Variants in MEGF9 observed in about 807,000 individuals in gnomAD.
The protein encoded by MEGF9 is multiple EGF like domains 9.
MEGF9 carries 6 observed loss-of-function variants against 46.8 expected under a neutral mutation model. That is an observed-to-expected ratio of 0.13 (90% CI 0.07 to 0.25). The LOEUF (loss-of-function observed/expected upper bound fraction) is 0.25. Among genes scored for constraint, MEGF9 ranks in the 10% least tolerant of loss-of-function variants. The pLI is 1.00. For missense variants in MEGF9, 683 were observed against 792.4 expected, an observed-to-expected ratio of 0.86 and a Z score of 1.66; for synonymous variants, 302 against 330.7, an observed-to-expected ratio of 0.91 and a Z score of 0.94.
At chr9:120,712,119 G>T (rs1432840683) in intron 1 of MEGF9, among the ~76,000 whole-genome samples, 2 of 152,092 alleles carry the variant, frequency 1.3e-5, no homozygotes, top group Non-Finnish European at 2.9e-5. Context: ...TTAGCTGGGT[G>T]TGGTGACCCA....
At chr9:120,690,371 G>C (rs938683801) in intron 1 of MEGF9, among the ~76,000 whole-genome samples, 1 of 152,154 alleles carries the variant, frequency 6.6e-6, no homozygotes, top group South Asian at 2.1e-4. Flanking sequence ...GAGTCAGTGT[G>C]TGTGTGTGTA....
In MEGF9 at chr9:120,601,654, G is replaced by A. The variant is rs2043396622; in HGVS notation, c.*3536C>T. ...ACTCTTAAAATCTAGGTATCACTGGGAAGAGTAACGCACTAGGCCCACAGG... is the reference window on the plus strand; with the variant it reads ...ACTCTTAAAATCTAGGTATCACTGGAAAGAGTAACGCACTAGGCCCACAGG... On this transcript the variant is annotated 3_prime_UTR_variant, in exon 6 of 6. Coordinates refer to ENST00000373930, the MANE Select transcript of MEGF9 (RefSeq NM_001080497.3). 6.6e-6 allele frequency: 1 copy of A among 152,178 alleles called. No individual in the cohort carries two copies. Among genetic ancestry groups the A allele is most frequent in the Non-Finnish European group, 1.5e-5 (1 of 68,016 alleles). 9.4% of individuals were successfully genotyped at this position (152,178 alleles called of 1,614,324 possible).
rs2043413756 is a variant in MEGF9, at chr9:120,604,946, C to T, written c.*244G>A. ...ATGGGGTTCAGCCTTTCCATACTCC[C>T]ATGTGGTTTGGTACAAAAATATACT... On this transcript the variant is annotated 3_prime_UTR_variant, in exon 6 of 6. Transcript: ENST00000373930. The T allele has an allele frequency of 2.0e-6, 1 of 511,496 alleles. No homozygotes were observed. The highest frequency in any genetic ancestry group is 1.9e-5 in the African/African-American group (1 of 52,472). 31.7% of individuals were successfully genotyped at this position (511,496 alleles called of 1,614,324 possible).
intron 2 of MEGF9, among the ~76,000 whole-genome samples, chr9:120,653,645 T>C (rs1455342650): frequency 6.6e-6 from 1 of 152,204 alleles, no homozygotes; most frequent in Non-Finnish European, 1.5e-5. Flanking sequence ...GTGCTGGGAT[T>C]ACAGGCGTGG....
At chr9:120,627,624 G>A (rs1006838322) in intron 2 of MEGF9, among the ~76,000 whole-genome samples, 1 of 152,146 alleles carries the variant, frequency 6.6e-6, no homozygotes, top group East Asian at 1.9e-4. Flanking sequence ...TATCACGCCC[G>A]GCTAATTTTT....
chr9:120,652,992 C>T (rs1196189014), intron 2 of MEGF9, among the ~76,000 whole-genome samples: 3 of 152,136 alleles, frequency 2.0e-5, no homozygotes, highest in Non-Finnish European at 4.4e-5. Context: ...GTGGCTGAAC[C>T]AAGAACAGAA....
intron 4 of MEGF9, among the ~76,000 whole-genome samples, chr9:120,611,865 AAGAGAGAGAGAG>A (rs3983894): frequency 7.3e-6 from 1 of 137,154 alleles, no homozygotes; most frequent in Non-Finnish European, 1.5e-5. Context: ...GGAAGGAAGA[AAGAGAGAGAGAG>A]AGAGAGAGAA....
chr9:120,684,986 C>A (rs568891146), intron 1 of MEGF9, among the ~76,000 whole-genome samples: 1 of 152,184 alleles, frequency 6.6e-6, no homozygotes, highest in Non-Finnish European at 1.5e-5. Flanking sequence ...AGGCGCCCAC[C>A]ACCACGCCCA....
At chr9:120,659,057 G>C (rs1201880911) in intron 2 of MEGF9, among the ~76,000 whole-genome samples, 1 of 151,986 alleles carries the variant, frequency 6.6e-6, no homozygotes, top group Non-Finnish European at 1.5e-5. Context: ...CCTCCTAGCA[G>C]GTTTCATGCC....
chr9:120,680,886 T>G (rs1587993790), intron 1 of MEGF9, among the ~76,000 whole-genome samples: 1 of 151,692 alleles, frequency 6.6e-6, no homozygotes, highest in East Asian at 1.9e-4. Context: ...CAGCTTGTGG[T>G]GAATGCTGCC....
At chr9:120,709,110 G>A (rs968653161) in intron 1 of MEGF9, among the ~76,000 whole-genome samples, 4 of 152,114 alleles carry the variant, frequency 2.6e-5, no homozygotes, top group African/African-American at 4.8e-5. Context: ...TTCACATTTT[G>A]GTAGACACAG....
intron 2 of MEGF9, among the ~76,000 whole-genome samples, chr9:120,653,669 G>A (rs1297348751): frequency 6.6e-6 from 1 of 152,122 alleles, no homozygotes; most frequent in Non-Finnish European, 1.5e-5. Flanking sequence ...ACCGCGCCCG[G>A]CCTTTATTTT....
At position 120,713,992 on chromosome 9, in the gene MEGF9, A is replaced by G; in HGVS notation, c.367T>C (p.Ser123Pro). 7.2e-7 allele frequency: 1 copy of G among 1,384,784 alleles called. No individual in the cohort carries two copies. Among genetic ancestry groups the G allele is most frequent in the South Asian group, 1.7e-5 (1 of 58,052 alleles). The allele number at this position is 1,384,784 out of a possible 1,614,324, so 85.8% of individuals were successfully genotyped here. A position where few individuals can be genotyped will look rare whatever the true frequency, so the allele number is the denominator to read the frequency against. ...TCCGCCGCCGGAGGGGTGGTCGGCG[A>G]GGGGCCGAGCGGCGCCTGAAAGGTG... ...STTFQAPLGP[S>P]PTTPPAAERT... Residue 123 changes from serine (S) to proline (P), a missense_variant, in exon 1 of 6, where the codon TCG becomes CCG. Coordinates refer to ENST00000373930, the MANE Select transcript of MEGF9 (RefSeq NM_001080497.3).
chr9:120,659,788 A>AGTGTGT lies in MEGF9; in HGVS notation c.602-219_602-214dup, dbSNP rs67080202. Among the ~76,000 whole-genome samples, 208 of 143,126 alleles carry AGTGTGT rather than the reference A, an allele frequency of 1.5e-3. 1 individual carries two copies. In the East Asian group the frequency reaches 0.017, roughly 12 times the overall value. 93.9% of individuals were successfully genotyped at this position (143,126 alleles called of 152,430 possible). ...ATAAATTATGTAGTGTGTGTGTGAC[A>AGTGTGT]GTGTGTGTGTGTGTGTGTGTGTGTG... is the stretch of plus-strand genomic sequence containing the variant. On this transcript the variant is annotated intron_variant, in intron 1 of 5. Transcript: ENST00000373930.
intron 2 of MEGF9, among the ~76,000 whole-genome samples, chr9:120,647,813 CA>C (rs966577838): frequency 1.3e-4 from 20 of 152,140 alleles, no homozygotes; most frequent in African/African-American, 4.3e-4. Flanking sequence ...AACCTAACAT[CA>C]TCATGTCCCT....
At chr9:120,683,491 TA>T (rs2043807905) in intron 1 of MEGF9, among the ~76,000 whole-genome samples, 1 of 152,210 alleles carries the variant, frequency 6.6e-6, no homozygotes, top group African/African-American at 2.4e-5. Flanking sequence ...GATGGTTTTA[TA>T]AGGCAGTTTT....
intron 1 of MEGF9, among the ~76,000 whole-genome samples, chr9:120,711,433 T>C (rs1379262473): frequency 3.3e-5 from 5 of 152,220 alleles, no homozygotes; most frequent in African/African-American, 1.2e-4. Context: ...TATTTTTAAA[T>C]ACCCTGTGTG....
At chr9:120,621,090 AAG>A (rs1376887878) in intron 3 of MEGF9, among the ~76,000 whole-genome samples, 3 of 152,208 alleles carry the variant, frequency 2.0e-5, no homozygotes, top group Non-Finnish European at 4.4e-5. Context: ...TAGGAAAACT[AAG>A]ATCAGAAGTT....
intron 2 of MEGF9, among the ~76,000 whole-genome samples, chr9:120,624,745 T>G (rs1191398949): frequency 6.6e-6 from 1 of 151,964 alleles, no homozygotes; most frequent in Non-Finnish European, 1.5e-5. Flanking sequence ...TGGTGGTGTG[T>G]GCCTGTAGTT....
Sources: allele counts gnomAD v4.1 joint callset (sites outside exome capture counted in the v4.1 genomes callset), GRCh38; gene constraint gnomAD v4.1.1; transcripts MANE v1.5; gene names NCBI Gene and HGNC (gene_info 2026-07-23, HGNC 2026-07-21).